The following LIPH variants were observed in gnomAD, a reference collection of about 807,000 sequenced individuals.
LIPH encodes lipase H, also known as lipase member H.
In LIPH, 32 loss-of-function variants were observed where a neutral mutation model predicts 47.6. The observed-to-expected ratio is 0.67, with a 90% confidence interval of 0.51 to 0.90. LIPH has a LOEUF of 0.90. Among genes scored for constraint, LIPH ranks in the 40% least tolerant of loss-of-function variants. The pLI, the probability that LIPH is intolerant of heterozygous loss-of-function variation, is 0.00. For synonymous variants in LIPH, 190 were observed against 195.6 expected, an observed-to-expected ratio of 0.97 and a Z score of 0.24; for missense variants, 497 against 541.4, an observed-to-expected ratio of 0.92 and a Z score of 0.81.
At chr3:185,509,499 G>A (rs937782614) in intron 9 of LIPH, among the ~76,000 whole-genome samples, 4 of 151,952 alleles carry the variant, frequency 2.6e-5, no homozygotes, top group East Asian at 1.9e-4. Context: ...GCGTGGTCGC[G>A]TGTGCCTGTA....
chr3:185,527,132 G>C (rs973526734), intron 4 of LIPH, among the ~76,000 whole-genome samples: 11 of 152,214 alleles, frequency 7.2e-5, no homozygotes, highest in African/African-American at 2.4e-4. Flanking sequence ...CCAGATACTC[G>C]GGAGGCTGAG....
In LIPH at chr3:185,507,729, T is replaced by C. The variant is rs765233488; in HGVS notation, c.*1061A>G. The C allele has an allele frequency of 6.6e-6, 1 of 152,198 alleles. No homozygotes were observed. The allele number at this position is 152,198 out of a possible 1,614,324, so 9.4% of individuals were successfully genotyped here. On this transcript the variant is annotated 3_prime_UTR_variant, in exon 10 of 10. Coordinates refer to ENST00000296252, the MANE Select transcript of LIPH (RefSeq NM_139248.3). ...GTTTTGAATTCACGTGTTGGCAAAA[T>C]AGGTGACAGCCTTGTTCCAAAAGGC...
rs370951431 is a variant in LIPH, at chr3:185,534,773, G to C, written c.409C>G (p.Gln137Glu). ...VAMVLKEFIDQMLAEGASLDD... is the reference protein window; with the variant it reads ...VAMVLKEFIDEMLAEGASLDD... Reference sequence around the variant, plus strand: ...TAAGAGAATTCTCTTACCAACATCTGGTCAATAAATTCCTTCAAGACCATG... The same window carrying C: ...TAAGAGAATTCTCTTACCAACATCTCGTCAATAAATTCCTTCAAGACCATG... The change falls in exon 2 of 10, where the codon CAG becomes GAG. Residue 137 changes from glutamine to glutamate, a missense_variant. Physicochemically the swap from Gln to Glu is conservative, Grantham distance 29 (BLOSUM62 2). Coordinates refer to ENST00000296252, the MANE Select transcript of LIPH (RefSeq NM_139248.3). The C allele has an allele frequency of 1.2e-6, 2 of 1,613,136 alleles. No homozygotes were observed. The highest frequency in any genetic ancestry group is 1.3e-5 in the African/African-American group (1 of 74,870).
At chr3:185,523,481 T>C (rs1719970728) in intron 5 of LIPH, among the ~76,000 whole-genome samples, 1 of 151,930 alleles carries the variant, frequency 6.6e-6, no homozygotes, top group Admixed American at 6.6e-5. Context: ...CACGGCTCAC[T>C]GCAACCTCTA....
rs1285496404 is a variant in LIPH at position 185,532,441 on chromosome 3, GC to G, written c.526+1129del. 8.9e-4 allele frequency among the ~76,000 whole-genome samples: 135 copies of G among 151,632 alleles called. 2 individuals carry two copies. The highest frequency in any genetic ancestry group is 6.4e-3 in the East Asian group (33 of 5,158). ...TGGAGGACTGCTTGTGCCTGGGGGGGCGTTGAGGCTGCAGTGAGCTGCATGC... is the reference window on the plus strand; with the variant it reads ...TGGAGGACTGCTTGTGCCTGGGGGGGGTTGAGGCTGCAGTGAGCTGCATGC... On this transcript the variant is annotated intron_variant, in intron 3 of 9. Coordinates refer to ENST00000296252, the MANE Select transcript of LIPH (RefSeq NM_139248.3).
rs1376844567 is a variant in LIPH, at chr3:185,511,798, C to G, written c.1095-101G>C. The G allele has an allele frequency of 3.7e-6, 3 of 819,104 alleles. No individual in the cohort carries two copies. In the African/African-American group the frequency reaches 5.1e-5, roughly 14 times the overall value. 50.7% of individuals were successfully genotyped at this position (819,104 alleles called of 1,614,324 possible). A position where few individuals can be genotyped will look rare whatever the true frequency, so the allele number is the denominator to read the frequency against. ...ACTGGTAAGCTGGTAACTATTTCAC[C>G]CCATAGCCTGCACCAGCTGACTTTT... is the stretch of plus-strand genomic sequence containing the variant. On this transcript the variant is annotated intron_variant, in intron 8 of 9. Coordinates refer to ENST00000296252, the MANE Select transcript of LIPH (RefSeq NM_139248.3).
chr3:185,509,723 TA>T (rs1719497604), intron 9 of LIPH, among the ~76,000 whole-genome samples: 1 of 152,236 alleles, frequency 6.6e-6, no homozygotes, highest in African/African-American at 2.4e-5. Context: ...GAAATAACAA[TA>T]AATATTAGCA....
intron 1 of LIPH, among the ~76,000 whole-genome samples, chr3:185,538,941 A>G (rs1415277382): frequency 2.1e-5 from 3 of 144,754 alleles, no homozygotes; most frequent in Non-Finnish European, 4.6e-5. Context: ...ATATACATAT[A>G]TATACATATA....
In LIPH at chr3:185,538,882, T is replaced by TACATATATACATATATAC. The variant is rs1720604389; in HGVS notation, c.50-3751_50-3750insGTATATATGTATATATGT. On this transcript the variant is annotated intron_variant, in intron 1 of 9. Transcript: ENST00000296252. ...ATATATACATATATACACATATATA[T>TACATATATACATATATAC]ACATATATACGTATATACACATATA... Among the ~76,000 whole-genome samples, 6 of 137,116 alleles carry TACATATATACATATATAC rather than the reference T, an allele frequency of 4.4e-5. No individual in the cohort carries two copies. In the East Asian group the frequency reaches 8.2e-4, roughly 19 times the overall value. 90.0% of individuals were successfully genotyped at this position (137,116 alleles called of 152,430 possible).
rs1357530574 is a variant in LIPH, at chr3:185,508,212, G to C, written c.*578C>G. On this transcript the variant is annotated 3_prime_UTR_variant, in exon 10 of 10. Coordinates refer to ENST00000296252, the MANE Select transcript of LIPH (RefSeq NM_139248.3). ...GTTGATAGAGAGAGGCTCTCTTATTGCAAATTAGATAAGCCCAAATGTAAA... is the reference window on the plus strand; with the variant it reads ...GTTGATAGAGAGAGGCTCTCTTATTCCAAATTAGATAAGCCCAAATGTAAA... The C allele has an allele frequency of 6.4e-6, 1 of 155,422 alleles. No homozygotes were observed. Among genetic ancestry groups the C allele is most frequent in the African/African-American group, 2.4e-5 (1 of 41,466 alleles). 9.6% of individuals were successfully genotyped at this position (155,422 alleles called of 1,614,324 possible). A position where few individuals can be genotyped will look rare whatever the true frequency, so the allele number is the denominator to read the frequency against.
rs915028830 is a variant in LIPH at position 185,510,191 on chromosome 3, C to T, written c.1269-1314G>A. Among the ~76,000 whole-genome samples the T allele has an allele frequency of 5.1e-4, 78 of 152,090 alleles. 1 individual carries two copies. The highest frequency in any genetic ancestry group is 8.3e-4 in the South Asian group (4 of 4,822). On this transcript the variant is annotated intron_variant, in intron 9 of 9. Coordinates refer to ENST00000296252, the MANE Select transcript of LIPH (RefSeq NM_139248.3). ...CTAGAACTCCTGACCTCAGGTGATC[C>T]GCCCACTTTGGCCTCCCAAGGTGCT... is the stretch of plus-strand genomic sequence containing the variant.
chr3:185,545,052 G>A (rs1720830034), intron 1 of LIPH, among the ~76,000 whole-genome samples: 1 of 152,138 alleles, frequency 6.6e-6, no homozygotes, highest in Admixed American at 6.6e-5. Context: ...GTTGTTCAGA[G>A]GTAGAGCAAC....
In LIPH at chr3:185,522,632, A is replaced by AAAAGAGAGAAAGAAAAAG. The variant is rs1339460383; in HGVS notation, c.718+1438_718+1439insCTTTTTCTTTCTCTCTTT. Among the ~76,000 whole-genome samples, 58 of 70,392 alleles carry AAAAGAGAGAAAGAAAAAG rather than the reference A, an allele frequency of 8.2e-4. 2 individuals carry two copies. The highest frequency in any genetic ancestry group is 7.7e-4 in the Non-Finnish European group (20 of 26,040). The allele number at this position is 70,392 out of a possible 152,430, so 46.2% of individuals were successfully genotyped here. On this transcript the variant is annotated intron_variant, in intron 5 of 9. Coordinates refer to ENST00000296252, the MANE Select transcript of LIPH (RefSeq NM_139248.3). ...GGGAGGGAGAGAGAAAGAAAGAAGG[A>AAAAGAGAGAAAGAAAAAG]AAAGAAAGAGAGAAAGAAAAAGAAA...
At chr3:185,522,516 G>A (rs7622592) in intron 5 of LIPH, among the ~76,000 whole-genome samples, 83,275 of 149,270 alleles carry the variant, frequency 0.56, 23,471 homozygotes, top group South Asian at 0.73. Context: ...AGGAGGGAAG[G>A]AAGGAAGGGA....
chr3:185,521,606 A>C (rs971287687), intron 5 of LIPH, among the ~76,000 whole-genome samples: 2 of 152,208 alleles, frequency 1.3e-5, no homozygotes, highest in African/African-American at 4.8e-5. Flanking sequence ...CCAGGCAGGC[A>C]ATCAAGAGAG....
intron 3 of LIPH, among the ~76,000 whole-genome samples, chr3:185,531,065 T>C (rs1460907254): frequency 6.6e-6 from 1 of 152,140 alleles, no homozygotes; most frequent in Non-Finnish European, 1.5e-5. Flanking sequence ...TGATAAGCCA[T>C]AGCAAATGAT....
chr3:185,549,891 T>C (rs1449765005), intron 1 of LIPH, among the ~76,000 whole-genome samples: 1 of 152,158 alleles, frequency 6.6e-6, no homozygotes, highest in Non-Finnish European at 1.5e-5. Flanking sequence ...GATTCCAGGA[T>C]CTCACTCCCA....
At chr3:185,535,181 G>A in intron 1 of LIPH, 49 bp from the exon 2 acceptor site, 1 of 1,603,564 alleles carries the variant, frequency 6.2e-7, no homozygotes, top group African/African-American at 1.3e-5. Flanking sequence ...CCTTAGCTGG[G>A]CATCAAGCAA....
intron 8 of LIPH, among the ~76,000 whole-genome samples, chr3:185,513,338 C>CAAAAAAAAA (rs56090966): frequency 9.1e-6 from 1 of 109,788 alleles, no homozygotes. Flanking sequence ...GGCTCTGTCT[C>CAAAAAAAAA]AAAAAAAAAA....
Sources: gnomAD v4.1 joint callset for allele counts (sites outside exome capture counted in the v4.1 genomes callset) on GRCh38, gnomAD v4.1.1 for gene constraint, MANE v1.5 for transcripts, NCBI Gene and HGNC (gene_info 2026-07-23, HGNC 2026-07-21) for gene names.